Variants in THRB observed in about 807,000 individuals in gnomAD.
The protein encoded by THRB is nuclear receptor subfamily 1 group A member 2.
Under a neutral mutation model 47.8 loss-of-function variants are expected in THRB, and 12 were observed. The ratio of observed to expected loss-of-function variants is 0.25; its 90% CI spans 0.16 to 0.41. THRB has a LOEUF of 0.41. Among genes scored for constraint, THRB ranks in the 10% least tolerant of loss-of-function variants. THRB has a pLI of 1.00. For missense variants in THRB, 348 were observed against 589.2 expected (o/e 0.59, Z 4.24); for synonymous variants, 218 against 212.2 (o/e 1.03, Z -0.24).
chr3:24,152,984 AAG>A (rs1279722482), intron 5 of THRB, among the ~76,000 whole-genome samples: 2 of 150,308 alleles, frequency 1.3e-5, no homozygotes, highest in Non-Finnish European at 3.0e-5. Flanking sequence ...GAAAGAAAGA[AAG>A]AAAGAAAGAA....
Position 24,121,816 on chromosome 3 carries a change from C to T in THRB, c.*1068G>A, listed in dbSNP as rs1304145632. 6.6e-6 allele frequency: 1 copy of T among 152,356 alleles called. No homozygotes were observed. Among genetic ancestry groups the T allele is most frequent in the Non-Finnish European group, 1.5e-5 (1 of 68,068 alleles). 9.4% of individuals were successfully genotyped at this position (152,356 alleles called of 1,614,324 possible). On this transcript the variant is annotated 3_prime_UTR_variant, in exon 11 of 11. Coordinates refer to ENST00000646209, the MANE Select transcript of THRB (RefSeq NM_001354712.2). Reference sequence around the variant, plus strand: ...AGGAAGCGTCCTCCAGCCATCAGGACACAAAGGGGCCCTCAGAACACTGCA... The same window carrying T: ...AGGAAGCGTCCTCCAGCCATCAGGATACAAAGGGGCCCTCAGAACACTGCA...
chr3:24,152,178 C>T (rs1255914884), intron 6 of THRB, among the ~76,000 whole-genome samples: 1 of 152,186 alleles, frequency 6.6e-6, no homozygotes, highest in African/African-American at 2.4e-5. Context: ...CCAGACATTA[C>T]ACTCATTTAG....
intron 5 of THRB, among the ~76,000 whole-genome samples, chr3:24,181,019 C>T (rs1321930733): frequency 6.6e-6 from 1 of 152,084 alleles, no homozygotes; most frequent in Non-Finnish European, 1.5e-5. Flanking sequence ...AGGGAAGAAG[C>T]CTAGACTTCG....
At chr3:24,199,781 CT>C (rs1180489688) in intron 4 of THRB, among the ~76,000 whole-genome samples, 1 of 152,116 alleles carries the variant, frequency 6.6e-6, no homozygotes, top group African/African-American at 2.4e-5. Context: ...TGAAACAAAA[CT>C]AAAAAGCAAA....
intron 2 of THRB, among the ~76,000 whole-genome samples, chr3:24,317,714 A>G (rs1345785749): frequency 6.6e-6 from 1 of 152,240 alleles, no homozygotes; most frequent in African/African-American, 2.4e-5. Context: ...CATTGGTTCT[A>G]AACTGTTAAA....
At chr3:24,219,606 C>A (rs1010059159) in intron 4 of THRB, among the ~76,000 whole-genome samples, 1 of 152,218 alleles carries the variant, frequency 6.6e-6, no homozygotes, top group African/African-American at 2.4e-5. Context: ...TCACTAATTA[C>A]ATTTCAATTT....
chr3:24,336,283 C>T (rs540371789), intron 2 of THRB, among the ~76,000 whole-genome samples: 3 of 152,180 alleles, frequency 2.0e-5, no homozygotes, highest in African/African-American at 7.2e-5. Flanking sequence ...GATAGCACCA[C>T]CCCAACCCAG....
At chr3:24,423,052 T>C (rs1396134475) in intron 1 of THRB, among the ~76,000 whole-genome samples, 1 of 151,860 alleles carries the variant, frequency 6.6e-6, no homozygotes, top group Admixed American at 6.6e-5. Flanking sequence ...AAGCCAAAAC[T>C]AGCTACGCAG....
chr3:24,379,706 C>T (rs192831276), intron 1 of THRB, among the ~76,000 whole-genome samples: 2 of 152,044 alleles, frequency 1.3e-5, no homozygotes, highest in Non-Finnish European at 2.9e-5. Context: ...AAAAGTGATG[C>T]GTGACACCTA....
intron 5 of THRB, among the ~76,000 whole-genome samples, chr3:24,163,165 A>G (rs1254352554): frequency 1.3e-5 from 2 of 152,310 alleles, no homozygotes; most frequent in South Asian, 4.1e-4. Context: ...CTTTTGTCCT[A>G]AGAGACAGTT....
chr3:24,472,403 T>C (rs1344593531), intron 1 of THRB, among the ~76,000 whole-genome samples: 2 of 152,188 alleles, frequency 1.3e-5, no homozygotes, highest in African/African-American at 4.8e-5. Flanking sequence ...CAGCCCTCAG[T>C]AACTTCTGCA....
chr3:24,261,519 C>A (rs7614042), intron 3 of THRB, among the ~76,000 whole-genome samples: 3,534 of 120,438 alleles, frequency 0.029, 187 homozygotes, highest in African/African-American at 0.13. Context: ...AAAAAAAAAA[C>A]CAAAAAAAAC....
At chr3:24,138,671 G>A (rs1471969711) in intron 8 of THRB, among the ~76,000 whole-genome samples, 1 of 152,124 alleles carries the variant, frequency 6.6e-6, no homozygotes, top group South Asian at 2.1e-4. Flanking sequence ...AACTTGGGGT[G>A]ATAGATGCCT....
intron 6 of THRB, 137 bp downstream of exon 6, chr3:24,152,253 C>T: frequency 1.6e-6 from 1 of 609,970 alleles, no homozygotes; most frequent in Non-Finnish European, 3.0e-6. Flanking sequence ...CACAACCAGA[C>T]ACCTGGATGA....
intron 2 of THRB, among the ~76,000 whole-genome samples, chr3:24,308,539 A>C (rs1182134434): frequency 6.6e-6 from 1 of 152,262 alleles, no homozygotes; most frequent in Non-Finnish European, 1.5e-5. Context: ...TATAAAAACA[A>C]ATAGAGAAAA....
intron 1 of THRB, among the ~76,000 whole-genome samples, chr3:24,491,001 C>T (rs1033184030): frequency 6.6e-6 from 1 of 151,996 alleles, no homozygotes; most frequent in African/African-American, 2.4e-5. Flanking sequence ...AAGTATTATC[C>T]ATGATATAAT....
intron 9 of THRB, among the ~76,000 whole-genome samples, chr3:24,129,915 A>G (rs183538251): frequency 6.6e-6 from 1 of 152,286 alleles, no homozygotes; most frequent in East Asian, 1.9e-4. Context: ...GTTGGCGTGG[A>G]TCTTAGAACA....
intron 1 of THRB, among the ~76,000 whole-genome samples, chr3:24,379,073 C>T (rs1160561208): frequency 6.6e-6 from 1 of 152,098 alleles, no homozygotes; most frequent in African/African-American, 2.4e-5. Flanking sequence ...AGTCGCACAG[C>T]CCTGCCTAAT....
At chr3:24,445,083 A>G (rs188773475) in intron 1 of THRB, among the ~76,000 whole-genome samples, 44 of 152,232 alleles carry the variant, frequency 2.9e-4, no homozygotes, top group African/African-American at 1.0e-3. Flanking sequence ...ATGGTTACAG[A>G]AATAGAGAGC....
Sources: allele counts gnomAD v4.1 joint callset (sites outside exome capture counted in the v4.1 genomes callset), GRCh38; gene constraint gnomAD v4.1.1; transcripts MANE v1.5; gene names NCBI Gene and HGNC (gene_info 2026-07-23, HGNC 2026-07-21).